EPRS1: variants seen among roughly 807,000 people sequenced by gnomAD.
EPRS1 encodes the protein glutamyl-prolyl-tRNA synthetase 1.
In EPRS1, 107 loss-of-function variants were observed where a neutral mutation model predicts 188.3. The observed-to-expected ratio is 0.57, with a 90% CI of 0.49 to 0.67. The LOEUF (loss-of-function observed/expected upper bound fraction) is 0.67, where lower values mean the gene tolerates loss of function less well. Ranked by LOEUF, EPRS1 falls within the 30% of genes least tolerant of loss-of-function variation. The pLI is 0.00. For missense variants in EPRS1, 1,577 were observed against 1,802.2 expected (o/e 0.88, Z 2.26); for synonymous variants, 596 against 593.1 (o/e 1.00, Z -0.07).
At chr1:220,038,466 A>T (rs1177077736) in intron 2 of EPRS1, among the ~76,000 whole-genome samples, 2 of 132,518 alleles carry the variant, frequency 1.5e-5, no homozygotes, top group Admixed American at 9.0e-5. Context: ...TCCTGGCTCT[A>T]CTGCAACCTC....
chr1:220,035,847 A>T (rs1322346382), intron 2 of EPRS1, among the ~76,000 whole-genome samples: 2 of 152,098 alleles, frequency 1.3e-5, no homozygotes, highest in African/African-American at 2.4e-5. Flanking sequence ...AAATCAAGGC[A>T]AAGGAGCCAA....
chr1:220,046,235 C>G, intron 1 of EPRS1, 108 bp downstream of exon 1: 1 of 1,374,580 alleles, frequency 7.3e-7, no homozygotes, highest in Non-Finnish European at 1.0e-6. Flanking sequence ...GGTCCAACAT[C>G]CCAGATGGTG....
intron 28 of EPRS1, 125 bp from the exon 29 acceptor site, chr1:219,973,523 AAAC>A: frequency 2.1e-6 from 1 of 477,394 alleles, no homozygotes; most frequent in Non-Finnish European, 3.2e-6. Context: ...AAGCCAAAAA[AAAC>A]AAGAGAAAAA....
At chr1:219,991,506 T>C (rs1272246884) in intron 18 of EPRS1, among the ~76,000 whole-genome samples, 1 of 152,146 alleles carries the variant, frequency 6.6e-6, no homozygotes, top group African/African-American at 2.4e-5. Context: ...CAGAAAATCC[T>C]TCCAACTGAG....
At chr1:220,019,511 G>A (rs1289526028) in intron 10 of EPRS1, among the ~76,000 whole-genome samples, 1 of 152,158 alleles carries the variant, frequency 6.6e-6, no homozygotes, top group Non-Finnish European at 1.5e-5. Flanking sequence ...ATATATGTAG[G>A]AAATTAATAT....
At chr1:219,984,956 A>G (rs991268966) in intron 20 of EPRS1, among the ~76,000 whole-genome samples, 12 of 151,920 alleles carry the variant, frequency 7.9e-5, no homozygotes, top group African/African-American at 2.9e-4. Flanking sequence ...AGGAGAATGA[A>G]TCGCTTGAAC....
At chr1:220,019,850 GAAGAT>G (rs1661827298) in intron 10 of EPRS1, 133 bp downstream of exon 10, 1 of 620,226 alleles carries the variant, frequency 1.6e-6, no homozygotes, top group Middle Eastern at 4.4e-4. Context: ...TGGCTGAGAA[GAAGAT>G]AAGAATCAGG....
chr1:219,973,946 T>C (rs975927556), intron 28 of EPRS1, among the ~76,000 whole-genome samples: 4 of 150,816 alleles, frequency 2.7e-5, no homozygotes, highest in Non-Finnish European at 4.4e-5. Context: ...TGAGAATTTG[T>C]TTTTTTTTGT....
At chr1:220,007,481 G>A in intron 13 of EPRS1, 143 bp from the exon 14 acceptor site, 1 of 651,740 alleles carries the variant, frequency 1.5e-6, no homozygotes, top group Non-Finnish European at 2.5e-6. Flanking sequence ...GCTGTATTAG[G>A]AAGAAAATGC....
intron 1 of EPRS1, among the ~76,000 whole-genome samples, chr1:220,042,091 G>GAATTGCTC (rs1662306047): frequency 2.0e-5 from 3 of 150,894 alleles, no homozygotes; most frequent in African/African-American, 2.4e-5. Flanking sequence ...TGAGGCAGGA[G>GAATTGCTC]GACCACTTGA....
In EPRS1 at chr1:220,046,455, G is replaced by T; in HGVS notation, c.-67C>A. The T allele has an allele frequency of 6.2e-7, 1 of 1,600,068 alleles. No individual in the cohort carries two copies. Among genetic ancestry groups the T allele is most frequent in the East Asian group, 2.3e-5 (1 of 44,164 alleles). On this transcript the variant is annotated 5_prime_UTR_variant, in exon 1 of 32. Coordinates refer to ENST00000366923, the MANE Select transcript of EPRS1 (RefSeq NM_004446.3). ...GTGCCAGAACTACGGAGGACCCCGC[G>T]AAAGGAAGAAGATGCAACGTGTGCG...
At chr1:220,019,828 G>T (rs1460271269) in intron 10 of EPRS1, among the ~76,000 whole-genome samples, 160 bp downstream of exon 10, 1 of 152,184 alleles carries the variant, frequency 6.6e-6, no homozygotes, top group East Asian at 1.9e-4. Context: ...AGAAGGGGAA[G>T]CCCTAATGCA....
intron 6 of EPRS1, among the ~76,000 whole-genome samples, chr1:220,026,772 C>T (rs938617650): frequency 2.0e-5 from 3 of 151,794 alleles, no homozygotes; most frequent in African/African-American, 7.3e-5. Context: ...CCTTGTGACC[C>T]GCCTGCCTCG....
intron 18 of EPRS1, among the ~76,000 whole-genome samples, chr1:219,990,120 CG>C (rs1553251073): frequency 7.4e-6 from 1 of 135,770 alleles, no homozygotes; most frequent in African/African-American, 2.9e-5. Context: ...ACTTTTCACA[CG>C]GAAAAAAAAA....
intron 19 of EPRS1, 116 bp downstream of exon 19, chr1:219,988,474 A>G: frequency 3.0e-6 from 2 of 662,120 alleles, no homozygotes; most frequent in South Asian, 3.9e-5. Flanking sequence ...AAGAGAATTA[A>G]GAACTGAAAT....
rs1662266341 is a variant in EPRS1 at position 220,040,224 on chromosome 1, G to C, written c.92C>G (p.Ser31Cys). 6.2e-7 allele frequency: 1 copy of C among 1,610,330 alleles called. No homozygotes were observed. Among genetic ancestry groups the C allele is most frequent in the African/African-American group, 1.3e-5 (1 of 74,870 alleles). Residue 31 changes from serine to cysteine, a missense_variant, in exon 2 of 32, where the codon TCC becomes TGC. Transcript: ENST00000366923. ...AATATTCTCTTTCCCTTCTTCAACG[G>C]AAATGCTGACATCGTCTTTCACGTG... Reference protein sequence around the residue: ...VEHVKDDVSISVEEGKENILH... With the variant: ...VEHVKDDVSICVEEGKENILH...
intron 28 of EPRS1, 112 bp downstream of exon 28, chr1:219,978,434 C>A: frequency 1.3e-6 from 1 of 772,858 alleles, no homozygotes; most frequent in Non-Finnish European, 2.0e-6. Context: ...AAACTCACAA[C>A]TATCAAAATA....
chr1:220,019,224 T>C (rs932326796), intron 10 of EPRS1, 145 bp from the exon 11 acceptor site: 5 of 594,090 alleles, frequency 8.4e-6, no homozygotes, highest in African/African-American at 7.7e-5. Flanking sequence ...TAGTATGCAA[T>C]ACTAGTGAGC....
At chr1:219,972,044 T>G (rs1176375387) in intron 30 of EPRS1, 25 bp downstream of exon 30, 2 of 1,447,764 alleles carry the variant, frequency 1.4e-6, no homozygotes, top group Non-Finnish European at 1.9e-6. Flanking sequence ...ATTCTTATAC[T>G]GAAAAGTTTT....
Sources: gnomAD v4.1 joint callset for allele counts (sites outside exome capture counted in the v4.1 genomes callset) on GRCh38, gnomAD v4.1.1 for gene constraint, MANE v1.5 for transcripts, NCBI Gene and HGNC (gene_info 2026-07-23, HGNC 2026-07-21) for gene names.